SPMIP11: variants seen among roughly 807,000 people sequenced by gnomAD.
SPMIP11 encodes the protein sperm microtubule inner protein 11.
chr12:48,762,251 G>A, the SPMIP11 span, among the ~76,000 whole-genome samples: 1 of 147,714 alleles, frequency 6.8e-6, no homozygotes, highest in Admixed American at 6.8e-5. Context: ...GTAGAGACAG[G>A]GTTTCACCGT....
At chr12:48,762,047 C>CTTTTTTT in the SPMIP11 span, among the ~76,000 whole-genome samples, 25 of 78,188 alleles carry the variant, frequency 3.2e-4, 2 homozygotes, top group African/African-American at 5.5e-4. Context: ...TTATAACATT[C>CTTTTTTT]TTTTTTTTTT....
the SPMIP11 span, among the ~76,000 whole-genome samples, chr12:48,769,997 G>A: frequency 2.6e-5 from 4 of 151,452 alleles, no homozygotes; most frequent in South Asian, 4.2e-4. Context: ...TCTTGACCTC[G>A]TGATCCGCCT....
At chr12:48,765,138 T>C in the SPMIP11 span, 8 of 595,112 alleles carry the variant, frequency 1.3e-5, no homozygotes, top group South Asian at 1.0e-4. Context: ...GCCCCAGAAT[T>C]TGGGCCGTGA....
At chr12:48,738,726 A>G in the SPMIP11 span, among the ~76,000 whole-genome samples, 1 of 152,076 alleles carries the variant, frequency 6.6e-6, no homozygotes, top group African/African-American at 2.4e-5. Context: ...GCAAGTGATC[A>G]GAAAGAAGGG....
the SPMIP11 span, chr12:48,769,141 A>G: frequency 1.5e-6 from 2 of 1,366,638 alleles, no homozygotes; most frequent in Non-Finnish European, 1.9e-6. Context: ...TGGCACTGGT[A>G]GAAGGACCCA....
the SPMIP11 span, among the ~76,000 whole-genome samples, chr12:48,770,015 A>G: frequency 6.9e-6 from 1 of 145,228 alleles, no homozygotes; most frequent in Non-Finnish European, 1.5e-5. Flanking sequence ...CCTGCCTCGG[A>G]CTCCCAAAGT....
chr12:48,755,678 T>C, the SPMIP11 span, among the ~76,000 whole-genome samples: 1 of 151,972 alleles, frequency 6.6e-6, no homozygotes, highest in African/African-American at 2.4e-5. Context: ...CACTGACCAT[T>C]CATATGGGAA....
At chr12:48,745,992 C>A in the SPMIP11 span, among the ~76,000 whole-genome samples, 3 of 152,170 alleles carry the variant, frequency 2.0e-5, no homozygotes, top group Admixed American at 2.0e-4. Flanking sequence ...CCCCTCTAAT[C>A]CAACATCAAT....
At chr12:48,747,877 C>G in the SPMIP11 span, among the ~76,000 whole-genome samples, 1 of 152,284 alleles carries the variant, frequency 6.6e-6, no homozygotes, top group Non-Finnish European at 1.5e-5. Flanking sequence ...AAGTGTTGTG[C>G]TCCAGAGACA....
chr12:48,752,941 G>A, the SPMIP11 span, among the ~76,000 whole-genome samples: 3 of 152,038 alleles, frequency 2.0e-5, no homozygotes, highest in Non-Finnish European at 4.4e-5. Flanking sequence ...CAAAGTGCAG[G>A]GATTACAGGC....
the SPMIP11 span, among the ~76,000 whole-genome samples, chr12:48,752,338 G>T: frequency 0.33 from 50,265 of 151,964 alleles, 9,518 homozygotes; most frequent in Non-Finnish European, 0.45. Context: ...TACAAAAAAC[G>T]CTGGCTGGCT....
the SPMIP11 span, among the ~76,000 whole-genome samples, chr12:48,754,893 C>G: frequency 6.6e-6 from 1 of 151,576 alleles, no homozygotes; most frequent in Non-Finnish European, 1.5e-5. Context: ...ACCACAGGCT[C>G]GTGCCACCAT....
chr12:48,756,429 G>T, the SPMIP11 span, among the ~76,000 whole-genome samples: 1 of 152,144 alleles, frequency 6.6e-6, no homozygotes, highest in Non-Finnish European at 1.5e-5. Flanking sequence ...CCCCACTCTG[G>T]TGGTACCATT....
At chr12:48,762,981 C>T in the SPMIP11 span, among the ~76,000 whole-genome samples, 1 of 152,204 alleles carries the variant, frequency 6.6e-6, no homozygotes, top group Admixed American at 6.5e-5. Context: ...AAGTGATCCT[C>T]CCAAAGTGCT....
At chr12:48,747,581 T>C in the SPMIP11 span, among the ~76,000 whole-genome samples, 13 of 152,310 alleles carry the variant, frequency 8.5e-5, no homozygotes, top group East Asian at 2.5e-3. Flanking sequence ...CATGATCTCA[T>C]AACAAAAGGA....
the SPMIP11 span, chr12:48,768,689 C>G: frequency 6.2e-7 from 1 of 1,614,176 alleles, no homozygotes; most frequent in Non-Finnish European, 8.5e-7. Context: ...CCCTTGGCAG[C>G]TAGAACCTGG....
At chr12:48,753,693 T>C in the SPMIP11 span, among the ~76,000 whole-genome samples, 4,429 of 111,736 alleles carry the variant, frequency 0.04, 151 homozygotes, top group African/African-American at 0.13. Flanking sequence ...TTTTTTTTTC[T>C]TTTTTTTTTT....
the SPMIP11 span, among the ~76,000 whole-genome samples, chr12:48,761,466 G>A: frequency 4.1e-5 from 6 of 147,902 alleles, no homozygotes; most frequent in South Asian, 2.1e-4. Context: ...AAAAAAAATC[G>A]CAGGGCATGG....
At chr12:48,756,853 T>C in the SPMIP11 span, among the ~76,000 whole-genome samples, 1 of 150,530 alleles carries the variant, frequency 6.6e-6, no homozygotes, top group Non-Finnish European at 1.5e-5. Context: ...CTTGGCTCAC[T>C]GGAACCTCCA....
Sources: allele counts gnomAD v4.1 joint callset (sites outside exome capture counted in the v4.1 genomes callset), GRCh38; gene constraint gnomAD v4.1.1; transcripts MANE v1.5; gene names NCBI Gene and HGNC (gene_info 2026-07-23, HGNC 2026-07-21).